TSGA10: variants seen among roughly 807,000 people sequenced by gnomAD.
TSGA10 encodes the protein testis specific 10.
Under a neutral mutation model 96.6 loss-of-function variants are expected in TSGA10, and 43 were observed. The ratio of observed to expected loss-of-function variants is 0.44; its 90% CI spans 0.35 to 0.57. TSGA10 has a LOEUF of 0.57. Among genes scored for constraint, TSGA10 ranks in the 20% least tolerant of loss-of-function variants. TSGA10 has a pLI of 0.01. For synonymous variants in TSGA10, 229 were observed against 269.9 expected (o/e 0.85, Z 1.48); for missense variants, 703 against 834.4 (o/e 0.84, Z 1.94).
chr2:99,000,510 TAA>T (rs71013451), intron 20 of TSGA10, among the ~76,000 whole-genome samples: 62 of 124,296 alleles, frequency 5.0e-4, no homozygotes, highest in Admixed American at 5.7e-4. Context: ...AACTCTGACT[TAA>T]AAAAAAAAAA....
intron 10 of TSGA10, among the ~76,000 whole-genome samples, chr2:99,087,561 A>G (rs889433756): frequency 6.6e-6 from 1 of 152,038 alleles, no homozygotes; most frequent in Admixed American, 6.5e-5. Flanking sequence ...GGTAGCGCAT[A>G]CCTTTACTCC....
At chr2:99,043,775 T>C (rs1164880530) in intron 16 of TSGA10, among the ~76,000 whole-genome samples, 1 of 152,110 alleles carries the variant, frequency 6.6e-6, no homozygotes, top group African/African-American at 2.4e-5. Context: ...CCAAGAATTC[T>C]TGTCAACCAA....
chr2:99,037,966 G>T (rs1237607662), intron 16 of TSGA10, among the ~76,000 whole-genome samples: 2 of 151,412 alleles, frequency 1.3e-5, no homozygotes, highest in Non-Finnish European at 2.9e-5. Context: ...TTTCTTAGCA[G>T]AAACCATACA....
intron 16 of TSGA10, among the ~76,000 whole-genome samples, chr2:99,042,267 GC>G (rs745880440): frequency 2.6e-5 from 4 of 152,120 alleles, no homozygotes; most frequent in Non-Finnish European, 5.9e-5. Flanking sequence ...GTTGAGATGT[GC>G]TGGGGCGCAG....
chr2:99,084,143 TA>T (rs2087934777), intron 10 of TSGA10, among the ~76,000 whole-genome samples: 1 of 152,230 alleles, frequency 6.6e-6, no homozygotes. Flanking sequence ...CCAATTAAAT[TA>T]AAATCTCTGG....
At chr2:99,152,418 T>C (rs1288821504) in intron 1 of TSGA10, among the ~76,000 whole-genome samples, 1 of 152,196 alleles carries the variant, frequency 6.6e-6, no homozygotes. Flanking sequence ...TCCTAGTAGC[T>C]AGGATTACAG....
At chr2:99,096,570 T>C (rs1279035247) in intron 10 of TSGA10, among the ~76,000 whole-genome samples, 1 of 152,240 alleles carries the variant, frequency 6.6e-6, no homozygotes, top group Non-Finnish European at 1.5e-5. Flanking sequence ...TCTTCCTTAA[T>C]TCCCTTTACA....
At chr2:99,144,772 T>C (rs1189994404) in intron 1 of TSGA10, among the ~76,000 whole-genome samples, 1 of 150,380 alleles carries the variant, frequency 6.6e-6, no homozygotes, top group Non-Finnish European at 1.5e-5. Flanking sequence ...TGTCACTAAC[T>C]ATCCTCAAGG....
chr2:99,011,948 G>C (rs2079044490), intron 20 of TSGA10, among the ~76,000 whole-genome samples: 1 of 152,088 alleles, frequency 6.6e-6, no homozygotes, highest in Non-Finnish European at 1.5e-5. Flanking sequence ...AAAGCATCAA[G>C]ATAAACTATA....
intron 1 of TSGA10, chr2:99,147,338 T>G: frequency 1.1e-6 from 1 of 904,316 alleles, no homozygotes; most frequent in Non-Finnish European, 1.8e-6. Flanking sequence ...GAAAGCCACT[T>G]TGTTCTTTTT....
At chr2:98,999,594 A>G (rs1558671344) in intron 20 of TSGA10, among the ~76,000 whole-genome samples, 2 of 152,266 alleles carry the variant, frequency 1.3e-5, no homozygotes. Flanking sequence ...AACTTTCATA[A>G]AAGCCAAAAG....
chr2:99,082,941 C>A (rs992557054), intron 10 of TSGA10, among the ~76,000 whole-genome samples: 1 of 151,920 alleles, frequency 6.6e-6, no homozygotes, highest in Non-Finnish European at 1.5e-5. Context: ...TTACAAAACT[C>A]AGTGGACAAG....
chr2:99,131,259 T>C (rs1321633688), intron 1 of TSGA10, among the ~76,000 whole-genome samples: 3 of 152,224 alleles, frequency 2.0e-5, no homozygotes, highest in African/African-American at 7.2e-5. Context: ...TCCATGAGCA[T>C]GGAATGTTTT....
Position 99,154,802 on chromosome 2 carries a change from C to A in TSGA10, c.-730G>T. 1 of 328,820 alleles carries A rather than the reference C, an allele frequency of 3.0e-6. No individual in the cohort carries two copies. The highest frequency in any genetic ancestry group is 6.0e-6 in the Non-Finnish European group (1 of 166,304). The allele number at this position is 328,820 out of a possible 1,614,324, so 20.4% of individuals were successfully genotyped here. On this transcript the variant is annotated 5_prime_UTR_variant, in exon 1 of 21. Coordinates refer to ENST00000393483, the MANE Select transcript of TSGA10 (RefSeq NM_025244.4). ...TATTCGAACGTAGCCTGCGTCCCTG[C>A]CTGGAACCTGGTTCCCGCCCTGAAG...
At chr2:99,033,266 T>C (rs762007741) in intron 17 of TSGA10, among the ~76,000 whole-genome samples, 1 of 152,216 alleles carries the variant, frequency 6.6e-6, no homozygotes, top group Admixed American at 6.5e-5. Context: ...TACATGCCCT[T>C]AACTCATGTC....
At chr2:99,109,036 CT>C in intron 6 of TSGA10, 45 bp from the exon 7 acceptor site, 1 of 1,404,026 alleles carries the variant, frequency 7.1e-7, no homozygotes, top group Non-Finnish European at 9.5e-7. Flanking sequence ...ATATATAGTA[CT>C]GATAGAAAGG....
intron 16 of TSGA10, among the ~76,000 whole-genome samples, chr2:99,036,069 C>T (rs2081600519): frequency 6.6e-6 from 1 of 152,012 alleles, no homozygotes; most frequent in Admixed American, 6.6e-5. Context: ...GATAATTCCA[C>T]CCCCACCCTT....
intron 13 of TSGA10, 119 bp from the exon 14 acceptor site, chr2:99,071,993 G>A (rs2086028876): frequency 2.3e-6 from 2 of 871,518 alleles, no homozygotes; most frequent in South Asian, 2.0e-5. Context: ...TTTTAAACAC[G>A]TTTGAATTTA....
At chr2:99,001,478 G>T (rs1408877119) in intron 20 of TSGA10, among the ~76,000 whole-genome samples, 2 of 152,128 alleles carry the variant, frequency 1.3e-5, no homozygotes, top group Non-Finnish European at 2.9e-5. Context: ...CCATCTGTAG[G>T]TCACCAACAT....
Sources: gnomAD v4.1 joint callset for allele counts (sites outside exome capture counted in the v4.1 genomes callset) on GRCh38, gnomAD v4.1.1 for gene constraint, MANE v1.5 for transcripts, NCBI Gene and HGNC (gene_info 2026-07-23, HGNC 2026-07-21) for gene names.